Variants in DROSHA observed in about 807,000 individuals in gnomAD.
DROSHA encodes the protein ribonuclease 3.
DROSHA carries 56 observed loss-of-function variants against 181.9 expected under a neutral mutation model. The observed-to-expected ratio is 0.31, with a 90% CI of 0.25 to 0.38. DROSHA has a LOEUF of 0.38. Among genes scored for constraint, DROSHA ranks in the 10% least tolerant of loss-of-function variants. The probability of loss-of-function intolerance (pLI) is 1.00; values close to 1 mark genes in which losing one functional copy is unlikely to be tolerated. For synonymous variants in DROSHA, 524 were observed against 591.2 expected, an observed-to-expected ratio of 0.89 and a Z score of 1.65; for missense variants, 1,218 against 1,743.5, an observed-to-expected ratio of 0.70 and a Z score of 5.37.
chr5:31,528,753 A>G (rs1740883543), intron 4 of DROSHA, among the ~76,000 whole-genome samples: 1 of 152,192 alleles, frequency 6.6e-6, no homozygotes, highest in African/African-American at 2.4e-5. Context: ...TCCTACAATA[A>G]TTACAATCCA....
At chr5:31,489,453 G>A (rs1464688979) in intron 13 of DROSHA, among the ~76,000 whole-genome samples, 1 of 152,132 alleles carries the variant, frequency 6.6e-6, no homozygotes, top group African/African-American at 2.4e-5. Context: ...AATTTGGAAA[G>A]GCAGGATCTC....
intron 11 of DROSHA, among the ~76,000 whole-genome samples, chr5:31,497,251 G>A (rs1753099737): frequency 2.0e-5 from 3 of 152,172 alleles, no homozygotes; most frequent in Admixed American, 6.5e-5. Flanking sequence ...AGACTTGCAG[G>A]GGATCATCTT....
In DROSHA at chr5:31,508,617, G is replaced by A. The variant is rs764084673; in HGVS notation, c.1587+4C>T. The A allele has an allele frequency of 3.1e-5, 50 of 1,613,758 alleles. No homozygotes were observed. Among genetic ancestry groups the A allele is most frequent in the African/African-American group, 1.3e-4 (10 of 74,898 alleles). On this transcript the variant is annotated splice_donor_region_variant and intron_variant, in intron 10 of 35. Transcript: ENST00000344624. ...CTTCACAGCAAGGGCATAAAAACAC[G>A]CACCTGGCCTGGATCGTTGTACCAA...
intron 13 of DROSHA, among the ~76,000 whole-genome samples, chr5:31,492,828 G>A (rs1752570714): frequency 6.6e-6 from 1 of 152,204 alleles, no homozygotes; most frequent in Non-Finnish European, 1.5e-5. Flanking sequence ...TTCTGAATAA[G>A]CTCTGTTTCT....
Position 31,401,259 on chromosome 5 carries a change from T to C in DROSHA, c.*173A>G, listed in dbSNP as rs1561099512. On this transcript the variant is annotated 3_prime_UTR_variant, in exon 36 of 36. Coordinates refer to ENST00000344624, the MANE Select transcript of DROSHA (RefSeq NM_001382508.1). The stretch of plus-strand genomic sequence containing the variant: ...AGAAGAAAAATCTAATACTTTGTAA[T>C]AAAGACCATCCAGCTAAAAACAGAT... 2.2e-6 allele frequency: 2 copies of C among 891,238 alleles called. No homozygotes were observed. Among genetic ancestry groups the C allele is most frequent in the African/African-American group, 1.7e-5 (1 of 59,896 alleles). 55.2% of individuals were successfully genotyped at this position (891,238 alleles called of 1,614,324 possible).
At chr5:31,505,596 T>A (rs1737837078) in intron 10 of DROSHA, 1 of 152,204 alleles carries the variant, frequency 6.6e-6, no homozygotes, top group African/African-American at 2.4e-5. Flanking sequence ...CTGGTATAGA[T>A]GGTAATACTG....
chr5:31,516,034 T>A (rs561047491), intron 6 of DROSHA, among the ~76,000 whole-genome samples: 1 of 152,224 alleles, frequency 6.6e-6, no homozygotes, highest in African/African-American at 2.4e-5. Flanking sequence ...GGCGGGAGGA[T>A]CACTTAAGCC....
chr5:31,427,921 C>T (rs2279797), intron 27 of DROSHA, among the ~76,000 whole-genome samples: 26,625 of 152,152 alleles, frequency 0.17, 2,513 homozygotes, highest in East Asian at 0.31. Flanking sequence ...AAGAGGAAAA[C>T]CCATACATTG....
At chr5:31,446,249 A>AC (rs1746243110) in intron 23 of DROSHA, among the ~76,000 whole-genome samples, 1 of 151,684 alleles carries the variant, frequency 6.6e-6, no homozygotes, top group East Asian at 2.0e-4. Context: ...CATCAAGACC[A>AC]CCCTGGTTAA....
chr5:31,524,853 A>C (rs1403623461), intron 5 of DROSHA, among the ~76,000 whole-genome samples: 2 of 152,226 alleles, frequency 1.3e-5, no homozygotes, highest in East Asian at 3.8e-4. Context: ...TTTTTAAAAT[A>C]CAACTTTCTT....
In DROSHA at chr5:31,526,907, C is replaced by G; in HGVS notation, c.26G>C (p.Arg9Thr). 1 of 1,611,818 alleles carries G rather than the reference C, an allele frequency of 6.2e-7. No homozygotes were observed. The highest frequency in any genetic ancestry group is 8.5e-7 in the Non-Finnish European group (1 of 1,179,534). Residue 9 changes from arginine (R) to threonine (T), a missense_variant, in exon 5 of 36, where the codon AGA (arginine) becomes ACA (threonine). Physicochemically the swap from Arg to Thr is moderately conservative, Grantham distance 71. This residue lies in a region of DROSHA where 536 missense variants were observed against 535.4 expected (regional missense o/e 1.00). Transcript: ENST00000344624. MMQGNTCH[R>T]MSFHPGRGCP... The stretch of plus-strand genomic sequence containing the variant: ...CCCTCGTCCCGGGTGGAACGACATT[C>G]TGTGACTTCATGGCAGAAAAGAAAA...
intron 8 of DROSHA, among the ~76,000 whole-genome samples, chr5:31,511,968 G>A (rs950885974): frequency 1.3e-5 from 2 of 150,240 alleles, no homozygotes; most frequent in East Asian, 1.9e-4. Flanking sequence ...CCTTAAACAC[G>A]AGGACATAAA....
intron 21 of DROSHA, among the ~76,000 whole-genome samples, chr5:31,449,907 T>C (rs185615732): frequency 7.2e-5 from 11 of 152,130 alleles, no homozygotes; most frequent in African/African-American, 2.4e-4. Flanking sequence ...GCATACTATA[T>C]ATCCAACAAA....
chr5:31,405,021 T>G (rs932716060), intron 35 of DROSHA, among the ~76,000 whole-genome samples: 2 of 152,144 alleles, frequency 1.3e-5, no homozygotes, highest in African/African-American at 4.8e-5. Flanking sequence ...ACAGAAAACC[T>G]TCACACGTAT....
chr5:31,501,850 G>A (rs1003158385), intron 11 of DROSHA, among the ~76,000 whole-genome samples: 1 of 152,122 alleles, frequency 6.6e-6, no homozygotes, highest in Non-Finnish European at 1.5e-5. Context: ...CCCGACGGTC[G>A]GGGCATGCTG....
At chr5:31,439,955 C>T (rs572090527) in intron 23 of DROSHA, among the ~76,000 whole-genome samples, 81 of 152,282 alleles carry the variant, frequency 5.3e-4, no homozygotes, top group South Asian at 1.9e-3. Context: ...TCTTAAATCT[C>T]TCTGACACCA....
chr5:31,448,636 G>A (rs1269406781), intron 22 of DROSHA, 29 bp from the exon 23 acceptor site: 1 of 1,538,436 alleles, frequency 6.5e-7, no homozygotes, highest in Admixed American at 1.7e-5. Flanking sequence ...AAATACACAA[G>A]TAAATACGGA....
intron 12 of DROSHA, among the ~76,000 whole-genome samples, chr5:31,494,426 T>C (rs1451765031): frequency 6.6e-6 from 1 of 152,222 alleles, no homozygotes; most frequent in East Asian, 1.9e-4. Context: ...ATATCTATTA[T>C]TTGTTTTGCC....
intron 23 of DROSHA, among the ~76,000 whole-genome samples, chr5:31,441,573 CT>C (rs543911502): frequency 3.6e-4 from 55 of 152,176 alleles, no homozygotes; most frequent in African/African-American, 1.2e-3. Flanking sequence ...ATTTTCAAAA[CT>C]TTTCAATACT....
Sources: gnomAD v4.1 joint callset for allele counts (sites outside exome capture counted in the v4.1 genomes callset) on GRCh38, gnomAD v4.1.1 for gene constraint, gnomAD v4.1.1 regional missense constraint, MANE v1.5 for transcripts, NCBI Gene and HGNC (gene_info 2026-07-23, HGNC 2026-07-21) for gene names.